DNM2: variants seen among roughly 807,000 people sequenced by gnomAD.
The protein encoded by DNM2 is dynamin 2.
DNM2 carries 15 observed loss-of-function variants against 99.0 expected under a neutral mutation model. The ratio of observed to expected loss-of-function variants is 0.15; its 90% CI spans 0.10 to 0.23. The LOEUF (loss-of-function observed/expected upper bound fraction) is 0.23, where lower values mean the gene tolerates loss of function less well. Among genes scored for constraint, DNM2 ranks in the 10% least tolerant of loss-of-function variants. The probability of loss-of-function intolerance (pLI) is 1.00; values close to 1 mark genes in which losing one functional copy is unlikely to be tolerated. For synonymous variants in DNM2, 525 were observed against 481.2 expected (o/e 1.09, Z -1.19); for missense variants, 742 against 1,189.4 (o/e 0.62, Z 5.53).
At chr19:10,786,338 G>C in intron 6 of DNM2, 1 of 675,878 alleles carries the variant, frequency 1.5e-6, no homozygotes, top group Non-Finnish European at 2.5e-6. Flanking sequence ...CGGCCCCGTG[G>C]GCTGTTTGTA....
intron 1 of DNM2, among the ~76,000 whole-genome samples, chr19:10,735,104 C>T (rs1031292237): frequency 1.3e-5 from 2 of 151,796 alleles, no homozygotes; most frequent in Non-Finnish European, 2.9e-5. Context: ...AGTGCAGCGG[C>T]GCGATCTCAG....
intron 7 of DNM2, among the ~76,000 whole-genome samples, chr19:10,792,797 G>A (rs1156358392): frequency 1.3e-5 from 2 of 151,922 alleles, no homozygotes; most frequent in African/African-American, 2.4e-5. Context: ...TAGTAGAGAC[G>A]GGGTTTCGCC....
chr19:10,804,810 G>A (rs2146075815), intron 12 of DNM2, among the ~76,000 whole-genome samples: 1 of 152,310 alleles, frequency 6.6e-6, no homozygotes, highest in Non-Finnish European at 1.5e-5. Flanking sequence ...TCCTGATCTA[G>A]AAACAGAAGC....
intron 1 of DNM2, among the ~76,000 whole-genome samples, chr19:10,739,559 G>T (rs189061368): frequency 2.8e-4 from 43 of 152,056 alleles, no homozygotes; most frequent in African/African-American, 9.9e-4. Flanking sequence ...ATGTTTTCAA[G>T]ATTCATCCAT....
At chr19:10,730,714 C>CT (rs1237860978) in intron 1 of DNM2, among the ~76,000 whole-genome samples, 1 of 152,178 alleles carries the variant, frequency 6.6e-6, no homozygotes, top group Non-Finnish European at 1.5e-5. Context: ...GCGTGGGTGT[C>CT]TATCTGCGTT....
At chr19:10,809,741 C>T (rs1440388664) in intron 14 of DNM2, 3 of 152,430 alleles carry the variant, frequency 2.0e-5, no homozygotes, top group Non-Finnish European at 4.4e-5. Flanking sequence ...GCCACCAAGG[C>T]GCTGGTCATC....
intron 1 of DNM2, among the ~76,000 whole-genome samples, chr19:10,723,714 T>A (rs934196040): frequency 6.6e-6 from 1 of 152,256 alleles, no homozygotes; most frequent in African/African-American, 2.4e-5. Flanking sequence ...TCCTGAGTAC[T>A]TTTACTGTGT....
intron 1 of DNM2, among the ~76,000 whole-genome samples, chr19:10,725,932 T>A (rs1027251058): frequency 3.3e-5 from 5 of 151,806 alleles, no homozygotes; most frequent in Admixed American, 1.3e-4. Flanking sequence ...TACAAAAAAA[T>A]TTTTTTGGCA....
intron 1 of DNM2, among the ~76,000 whole-genome samples, chr19:10,751,032 A>T (rs1047254351): frequency 2.0e-5 from 3 of 151,882 alleles, no homozygotes; most frequent in Non-Finnish European, 2.9e-5. Context: ...CACAGCTCAG[A>T]TGGGGGTATG....
intron 1 of DNM2, among the ~76,000 whole-genome samples, chr19:10,744,780 AG>A (rs2069901974): frequency 6.6e-6 from 1 of 152,144 alleles, no homozygotes; most frequent in Non-Finnish European, 1.5e-5. Flanking sequence ...TTTGCTAACA[AG>A]GTCCCACAGC....
In DNM2 at chr19:10,830,362, C is replaced by T. The variant is rs2146210571; in HGVS notation, c.2527C>T (p.Pro843Ser). The T allele has an allele frequency of 6.2e-7, 1 of 1,611,138 alleles. No homozygotes were observed. Among genetic ancestry groups the T allele is most frequent in the Non-Finnish European group, 8.5e-7 (1 of 1,179,522 alleles). ...GCCAGTTCGGATCCCCCCAGGGATT[C>T]CCCCAGGAGTGCCCAGGTAAGGCCA... ...SRPVRIPPGI[P>S]PGVPSRRPPA... The change falls in exon 20 of 21, where the codon CCC (proline) becomes TCC (serine). Residue 843 changes from proline (P) to serine (S), a missense_variant. Physicochemically the swap from Pro to Ser is moderately conservative, Grantham distance 74 (BLOSUM62 -1). This residue lies in a region of DNM2 where 187 missense variants were observed against 218.8 expected (regional missense o/e 0.85). Coordinates refer to ENST00000389253, the MANE Select transcript of DNM2 (RefSeq NM_001005361.3). The surrounding 1 kb of genome is among the most constrained non-coding windows in gnomAD (Gnocchi z 4.8).
intron 1 of DNM2, among the ~76,000 whole-genome samples, chr19:10,718,955 G>C (rs1323913754): frequency 6.6e-6 from 1 of 152,138 alleles, no homozygotes; most frequent in Non-Finnish European, 1.5e-5. Flanking sequence ...TAGCTGTCCA[G>C]GGTGACCTCT....
Position 10,795,071 on chromosome 19 carries a change from C to T in DNM2, c.1129-301C>T, listed in dbSNP as rs1342229286. On this transcript the variant is annotated intron_variant, in intron 8 of 20. Transcript: ENST00000389253. This position sits in a 1 kb window ranked among gnomAD's most constrained non-coding sequence, Gnocchi z 4.2. Reference sequence around the variant, plus strand: ...GAGTAGCTGGGACTATAGGCGTGCACCAGCCCACCTGGCCAATTTTTGTAT... The same window carrying T: ...GAGTAGCTGGGACTATAGGCGTGCATCAGCCCACCTGGCCAATTTTTGTAT... 6.6e-6 allele frequency among the ~76,000 whole-genome samples: 1 copy of T among 152,110 alleles called. No individual in the cohort carries two copies. The highest frequency in any genetic ancestry group is 2.4e-5 in the African/African-American group (1 of 41,434).
chr19:10,806,280 G>A (rs1314802016), intron 13 of DNM2, among the ~76,000 whole-genome samples: 1 of 152,158 alleles, frequency 6.6e-6, no homozygotes. Context: ...AGCATTTTGG[G>A]AGGCCGAGGT....
chr19:10,798,439 G>A (rs141509687), intron 10 of DNM2, 47 bp from the exon 11 acceptor site: 25 of 1,586,248 alleles, frequency 1.6e-5, no homozygotes, highest in African/African-American at 5.4e-5. Context: ...GTTGCTTCCC[G>A]TGCCACGAGG....
At position 10,746,727 on chromosome 19, in the gene DNM2, G is replaced by GTTTTTTTTTTTTT. The variant is rs757494612; in HGVS notation, c.162-13005_162-13004insTTTTTTTTTTTTT. On this transcript the variant is annotated intron_variant, in intron 1 of 20. Transcript: ENST00000389253. The stretch of plus-strand genomic sequence containing the variant: ...GAGCAACCGTGCCGGCTTTTTTTTT[G>GTTTTTTTTTTTTT]TTTTTTGTTTTTTTTTTTTTTGAGA... Among the ~76,000 whole-genome samples, 26 of 116,196 alleles carry GTTTTTTTTTTTTT rather than the reference G, an allele frequency of 2.2e-4. 2 individuals carry two copies. Among genetic ancestry groups the GTTTTTTTTTTTTT allele is most frequent in the Admixed American group, 4.1e-4 (4 of 9,772 alleles). 76.2% of individuals were successfully genotyped at this position (116,196 alleles called of 152,430 possible). A position where few individuals can be genotyped will look rare whatever the true frequency, so the allele number is the denominator to read the frequency against.
intron 1 of DNM2, among the ~76,000 whole-genome samples, chr19:10,732,416 C>G (rs974181823): frequency 6.6e-6 from 1 of 150,504 alleles, no homozygotes; most frequent in Non-Finnish European, 1.5e-5. Flanking sequence ...CTGACTAACA[C>G]GGTGAAACCC....
At chr19:10,786,954 A>G (rs950932048) in intron 7 of DNM2, among the ~76,000 whole-genome samples, 2 of 152,248 alleles carry the variant, frequency 1.3e-5, no homozygotes, top group African/African-American at 4.8e-5. Flanking sequence ...ACAAAAAACA[A>G]GAAAGAAAAT....
chr19:10,784,982 C>T (rs897175492), intron 6 of DNM2, among the ~76,000 whole-genome samples: 2 of 151,972 alleles, frequency 1.3e-5, no homozygotes, highest in African/African-American at 4.8e-5. Flanking sequence ...CGCCACCACA[C>T]TCAACTAACT....
Sources: gnomAD v4.1 joint callset for allele counts (sites outside exome capture counted in the v4.1 genomes callset) on GRCh38, gnomAD v4.1.1 for gene constraint, gnomAD v4.1.1 regional missense constraint, Gnocchi (gnomAD v3.1) non-coding constraint, MANE v1.5 for transcripts, NCBI Gene and HGNC (gene_info 2026-07-23, HGNC 2026-07-21) for gene names.